LILRB4: variants seen among roughly 807,000 people sequenced by gnomAD.
LILRB4 encodes leukocyte immunoglobulin-like receptor subfamily B member 4.
LILRB4 carries 49 observed loss-of-function variants against 55.2 expected under a neutral mutation model. That is an observed-to-expected ratio of 0.89 (90% CI 0.71 to 1.13). The LOEUF (loss-of-function observed/expected upper bound fraction) is 1.13, where lower values mean the gene tolerates loss of function less well. Ranked by LOEUF, LILRB4 falls within the 50% of genes most tolerant of loss-of-function variation. The pLI is 0.00. For synonymous variants in LILRB4, 229 were observed against 213.8 expected (o/e 1.07, Z -0.62); for missense variants, 590 against 555.2 (o/e 1.06, Z -0.63).
chr19:54,664,935 C>T, intron 5 of LILRB4, 86 bp downstream of exon 5: 1 of 1,434,536 alleles, frequency 7.0e-7, no homozygotes, highest in Non-Finnish European at 9.7e-7. Flanking sequence ...GTCCTCGTTC[C>T]AATTCTCAGC....
exon 3 of LILRB4, chr19:54,663,861 C>G (rs757332984): frequency 6.2e-7 from 1 of 1,614,138 alleles, no homozygotes; most frequent in Non-Finnish European, 8.5e-7. Flanking sequence ...GGAGTACCGT[C>G]TGGATAAAGA....
chr19:54,663,819 A>G, exon 3 of LILRB4: 1 of 1,614,114 alleles, frequency 6.2e-7, no homozygotes, highest in Non-Finnish European at 8.5e-7. Flanking sequence ...GAACTCTGTG[A>G]CCATCTGGTG....
chr19:54,663,090 G>T (rs1439890528), intron 1 of LILRB4, 23 bp downstream of exon 1: 1 of 1,602,892 alleles, frequency 6.2e-7, no homozygotes, highest in Admixed American at 1.7e-5. Flanking sequence ...GAGGGGGAGG[G>T]GAGACCCGAG....
In LILRB4 at chr19:54,663,634, C is replaced by G. The variant is rs1599917402; in HGVS notation, c.70+67C>G. The G allele has an allele frequency of 1.1e-5, 18 of 1,611,918 alleles. No individual in the cohort carries two copies. The East Asian group carries it at 3.3e-4, about 30-fold the overall frequency. ...GGGACAAGGGGCCACCCATGGGCAG[C>G]TGGGGGAGGAGACAGCAGTTCTGGG... On this transcript the variant is annotated intron_variant, in intron 2 of 11. Transcript: ENST00000430952.
intron 10 of LILRB4, chr19:54,667,198 T>C (rs934073940): frequency 3.6e-5 from 20 of 555,108 alleles, no homozygotes; most frequent in South Asian, 7.7e-5. Context: ...AAATGCATCG[T>C]GTCCAGGAGT....
At chr19:54,663,636 G>A in intron 2 of LILRB4, 69 bp downstream of exon 2, 2 of 1,611,978 alleles carry the variant, frequency 1.2e-6, no homozygotes, top group South Asian at 1.1e-5. Flanking sequence ...ATGGGCAGCT[G>A]GGGGAGGAGA....
exon 3 of LILRB4, chr19:54,664,017 C>G (rs201116709): frequency 9.7e-5 from 156 of 1,613,916 alleles, no homozygotes; most frequent in Non-Finnish European, 1.3e-4. Context: ...GCCCAGTGAC[C>G]CCCTGGAGCT....
In LILRB4 at chr19:54,668,142, G is replaced by A. The variant is rs943977288; in HGVS notation, c.*123G>A. The A allele has an allele frequency of 2.6e-6, 3 of 1,144,456 alleles. No homozygotes were observed. The African/African-American group carries it at 4.7e-5, about 18-fold the overall frequency. The allele number at this position is 1,144,456 out of a possible 1,614,324, so 70.9% of individuals were successfully genotyped here. On this transcript the variant is annotated 3_prime_UTR_variant, in exon 12 of 12. Coordinates refer to ENST00000430952, the Ensembl canonical transcript of LILRB4. ...AGACCCCTGACACAGACCACTAGAAGATTCCGGGAACGTTGGGAGTCACCT... is the reference window on the plus strand; with the variant it reads ...AGACCCCTGACACAGACCACTAGAAAATTCCGGGAACGTTGGGAGTCACCT...
At chr19:54,664,611 A>C in intron 4 of LILRB4, 126 bp downstream of exon 4, 23 of 1,141,926 alleles carry the variant, frequency 2.0e-5, no homozygotes, top group Non-Finnish European at 2.9e-5. Flanking sequence ...CTCAGAGGGG[A>C]GGAGGACAAC....
Position 54,662,996 on chromosome 19 carries a change from A to G in LILRB4, c.-38A>G, listed in dbSNP as rs759455783. The stretch of plus-strand genomic sequence containing the variant: ...TTTGTCCTGCCGGCACTGAGGACTC[A>G]TCCATCTGCACAGCTGGGGCCCCTG... On this transcript the variant is annotated 5_prime_UTR_variant, in exon 1 of 12. Transcript: ENST00000430952. 6 of 1,613,808 alleles carry G rather than the reference A, an allele frequency of 3.7e-6. No homozygotes were observed. The Admixed American group carries it at 5.0e-5, about 13-fold the overall frequency.
At chr19:54,668,570 AG>A (rs1444991000), downstream of LILRB4, 1 of 152,496 alleles carries the variant, frequency 6.6e-6, no homozygotes, top group Non-Finnish European at 1.5e-5. Context: ...CAGAAAATGT[AG>A]ATGAGATAGA....
At chr19:54,664,414 G>T (rs756433373) in exon 4 of LILRB4, 1 of 1,613,826 alleles carries the variant, frequency 6.2e-7, no homozygotes, top group South Asian at 1.1e-5. Flanking sequence ...ACCTACAGGT[G>T]CTTCAGCTCA....
chr19:54,667,696 C>T, exon 11 of LILRB4: 1 of 1,611,182 alleles, frequency 6.2e-7, no homozygotes, highest in Non-Finnish European at 8.5e-7. Context: ...CACTCCAGAC[C>T]TAGGAGAGAA....
Position 54,666,227 on chromosome 19 carries a change from C to T in LILRB4, c.875-13C>T. ...ACGTTCCCAGAGCTGAGACTCTGTC[C>T]ATCTTCCCCCAGCCCAGAGACAGGC... On this transcript the variant is annotated splice_polypyrimidine_tract_variant and intron_variant, in intron 7 of 11. Transcript: ENST00000430952. This position sits in a 1 kb window ranked among gnomAD's most constrained non-coding sequence, Gnocchi z 4.8. 1 of 1,577,620 alleles carries T rather than the reference C, an allele frequency of 6.3e-7. No individual in the cohort carries two copies. The highest frequency in any genetic ancestry group is 1.2e-5 in the South Asian group (1 of 85,172).
At chr19:54,664,240 G>A in exon 4 of LILRB4, 1 of 1,614,118 alleles carries the variant, frequency 6.2e-7, no homozygotes, top group South Asian at 1.1e-5. Context: ...GTGACCTCAG[G>A]AAAGAGCGTG....
exon 4 of LILRB4, chr19:54,664,247 C>T (rs541287083): frequency 1.2e-5 from 20 of 1,614,108 alleles, no homozygotes; most frequent in East Asian, 6.7e-5. Flanking sequence ...CAGGAAAGAG[C>T]GTGACCCTGC....
Position 54,665,875 on chromosome 19 carries a change from C to CCCTCCTCCTCTT in LILRB4, c.829_840dup (p.Phe277_Leu280dup). 1 of 1,613,676 alleles carries CCCTCCTCCTCTT rather than the reference C, an allele frequency of 6.2e-7. No individual in the cohort carries two copies. Among genetic ancestry groups the CCCTCCTCCTCTT allele is most frequent in the Non-Finnish European group, 8.5e-7 (1 of 1,179,880 alleles). On this transcript the variant is annotated inframe_insertion, in exon 7 of 12. Coordinates refer to ENST00000430952, the Ensembl canonical transcript of LILRB4. The surrounding 1 kb of genome is among the most constrained non-coding windows in gnomAD (Gnocchi z 5.5). ...TTGGTGGTCTCCATCCTGCTTCTCT[C>CCCTCCTCCTCTT]CCTCCTCCTCTTCCTCCTCCTCCAA...
chr19:54,667,976 C>A (rs1297932225), exon 12 of LILRB4: 2 of 1,614,176 alleles, frequency 1.2e-6, no homozygotes, highest in Non-Finnish European at 1.7e-6. Context: ...GAAGGGGCCT[C>A]TCCAGCTGAG....
intron 1 of LILRB4, 24 bp from the exon 2 acceptor site, chr19:54,663,508 C>A: frequency 1.4e-5 from 22 of 1,611,884 alleles, no homozygotes; most frequent in Non-Finnish European, 1.9e-5. Context: ...CGGGGCAAAT[C>A]CCTCACAGGG....
Sources: allele counts gnomAD v4.1 joint callset, GRCh38; gene constraint gnomAD v4.1.1; non-coding constraint Gnocchi (gnomAD v3.1); transcripts MANE v1.5; gene names NCBI Gene and HGNC (gene_info 2026-07-23, HGNC 2026-07-21).